Variants in TXNDC16 observed in about 807,000 individuals in gnomAD.
TXNDC16 encodes the protein thioredoxin domain-containing protein 16.
In TXNDC16, 74 loss-of-function variants were observed where a neutral mutation model predicts 85.6. The observed-to-expected ratio is 0.86, with a 90% CI of 0.72 to 1.05. TXNDC16 has a LOEUF of 1.05. Ranked by LOEUF, TXNDC16 falls within the 50% of genes least tolerant of loss-of-function variation. The probability of loss-of-function intolerance (pLI) is 0.00; values close to 1 mark genes in which losing one functional copy is unlikely to be tolerated. For missense variants in TXNDC16, 959 were observed against 947.0 expected (o/e 1.01, Z -0.17); for synonymous variants, 335 against 326.5 (o/e 1.03, Z -0.28).
At chr14:52,541,063 C>G (rs1049273917) in intron 4 of TXNDC16, among the ~76,000 whole-genome samples, 3 of 152,066 alleles carry the variant, frequency 2.0e-5, no homozygotes, top group Non-Finnish European at 2.9e-5. Context: ...CGGTGAAACC[C>G]CATCTCTACT....
At chr14:52,529,340 G>A (rs2037419667) in intron 6 of TXNDC16, among the ~76,000 whole-genome samples, 1 of 150,050 alleles carries the variant, frequency 6.7e-6, no homozygotes, top group African/African-American at 2.4e-5. Flanking sequence ...GAGGAGGGGG[G>A]AGGGATAGCA....
At chr14:52,533,857 C>T (rs759950011) in intron 6 of TXNDC16, among the ~76,000 whole-genome samples, 1 of 152,102 alleles carries the variant, frequency 6.6e-6, no homozygotes, top group South Asian at 2.1e-4. Context: ...ATAAGAAAAG[C>T]ACCTTAGCCA....
intron 12 of TXNDC16, among the ~76,000 whole-genome samples, chr14:52,485,716 T>C (rs1312358635): frequency 1.3e-5 from 2 of 152,136 alleles, no homozygotes; most frequent in Non-Finnish European, 2.9e-5. Flanking sequence ...GCTGTATAGG[T>C]TTGTGGCCTA....
intron 14 of TXNDC16, among the ~76,000 whole-genome samples, chr14:52,473,072 G>A (rs542240125): frequency 6.6e-6 from 1 of 152,236 alleles, no homozygotes; most frequent in South Asian, 2.1e-4. Context: ...CCTGACTGAA[G>A]CAATCTATGA....
intron 6 of TXNDC16, among the ~76,000 whole-genome samples, chr14:52,521,278 ATTTTTT>A (rs34014029): frequency 1.5e-5 from 2 of 134,440 alleles, no homozygotes; most frequent in African/African-American, 5.5e-5. Flanking sequence ...ACGCCTGGCT[ATTTTTT>A]TTTTTTTTTT....
chr14:52,463,381 A>AT (rs2035698322), intron 16 of TXNDC16, among the ~76,000 whole-genome samples: 1 of 152,158 alleles, frequency 6.6e-6, no homozygotes. Context: ...AAGTTCTACT[A>AT]TAGGTCCTAT....
At chr14:52,530,360 ATATAT>A (rs2037496824) in intron 6 of TXNDC16, among the ~76,000 whole-genome samples, 1 of 36,694 alleles carries the variant, frequency 2.7e-5, no homozygotes, top group Admixed American at 5.4e-4. Context: ...ATAATATAAT[ATATAT>A]TATTATATAA....
At chr14:52,439,176 C>T (rs760621129) in intron 20 of TXNDC16, 28 bp downstream of exon 20, 7 of 1,596,244 alleles carry the variant, frequency 4.4e-6, no homozygotes, top group Non-Finnish European at 6.0e-6. Flanking sequence ...TGCAGAACTA[C>T]ATGTATTAAA....
At position 52,552,352 on chromosome 14, in the gene TXNDC16, C is replaced by A. The variant is rs1216253624; in HGVS notation, c.-218G>T. 3 of 152,340 alleles carry A rather than the reference C, an allele frequency of 2.0e-5. No individual in the cohort carries two copies. Among genetic ancestry groups the A allele is most frequent in the African/African-American group, 7.2e-5 (3 of 41,454 alleles). The allele number at this position is 152,340 out of a possible 1,614,324, so 9.4% of individuals were successfully genotyped here. On this transcript the variant is annotated 5_prime_UTR_variant, in exon 1 of 21. Coordinates refer to ENST00000281741, the MANE Select transcript of TXNDC16 (RefSeq NM_020784.3). Reference sequence around the variant, plus strand: ...CTGCGGGCGGGGACCTGGGCCGTTCCCGAGGCCGCGCGGCCAACAGTTCCC... The same window carrying A: ...CTGCGGGCGGGGACCTGGGCCGTTCACGAGGCCGCGCGGCCAACAGTTCCC...
chr14:52,433,172 AAAT>A (rs1376634563), intron 20 of TXNDC16, among the ~76,000 whole-genome samples: 1 of 152,168 alleles, frequency 6.6e-6, no homozygotes, highest in Non-Finnish European at 1.5e-5. Context: ...TATAGACAAT[AAAT>A]AATTAAAAAT....
intron 11 of TXNDC16, 29 bp from the exon 12 acceptor site, chr14:52,488,515 A>G: frequency 6.5e-7 from 1 of 1,542,084 alleles, no homozygotes; most frequent in Non-Finnish European, 8.9e-7. Context: ...TTAAAAAATG[A>G]ATATAGCAAA....
chr14:52,526,417 A>T (rs1349251127), intron 6 of TXNDC16, among the ~76,000 whole-genome samples: 2 of 152,140 alleles, frequency 1.3e-5, no homozygotes, highest in African/African-American at 4.8e-5. Context: ...TGCCACATAC[A>T]TGTATACTAC....
intron 14 of TXNDC16, among the ~76,000 whole-genome samples, chr14:52,474,576 A>G (rs2035978420): frequency 6.6e-6 from 1 of 152,158 alleles, no homozygotes; most frequent in Non-Finnish European, 1.5e-5. Context: ...CTAAAAATAC[A>G]AAAACTAGCC....
chr14:52,510,081 A>G (rs1313728738), intron 9 of TXNDC16, among the ~76,000 whole-genome samples: 4 of 152,224 alleles, frequency 2.6e-5, no homozygotes, highest in Non-Finnish European at 4.4e-5. Context: ...CTTTTTAAGA[A>G]GAGGGAATTA....
intron 6 of TXNDC16, among the ~76,000 whole-genome samples, chr14:52,525,699 AAATAAT>A (rs199701557): frequency 0.045 from 5,412 of 121,228 alleles, 166 homozygotes; most frequent in African/African-American, 0.095. Context: ...CTCCATCTCA[AAATAAT>A]AATAATAATA....
At position 52,490,990 on chromosome 14, in the gene TXNDC16, C is replaced by T. The variant is rs558546187; in HGVS notation, c.772G>A (p.Asp258Asn). ...TGGACAGTTGAAACTTGTTGAGGAT[C>T]TTCAGCAACTTCAGTCTTCATTGAA... ...KAPLLTEVAEDPQQVSTVHLQ... is the reference protein window; with the variant it reads ...KAPLLTEVAENPQQVSTVHLQ... The change falls in exon 10 of 21, where the codon GAT (aspartate) becomes AAT (asparagine). Residue 258 changes from aspartate to asparagine, a missense_variant. Coordinates refer to ENST00000281741, the MANE Select transcript of TXNDC16 (RefSeq NM_020784.3). 16 of 1,367,984 alleles carry T rather than the reference C, an allele frequency of 1.2e-5. No individual in the cohort carries two copies. The South Asian group carries it at 1.3e-4, about 11-fold the overall frequency. The allele number at this position is 1,367,984 out of a possible 1,614,324, so 84.7% of individuals were successfully genotyped here. A position where few individuals can be genotyped will look rare whatever the true frequency, so the allele number is the denominator to read the frequency against.
At chr14:52,446,930 G>T (rs990542646) in intron 18 of TXNDC16, among the ~76,000 whole-genome samples, 5 of 151,918 alleles carry the variant, frequency 3.3e-5, no homozygotes, top group African/African-American at 1.2e-4. Flanking sequence ...TAGGACTTGA[G>T]TGAGACTCCG....
In TXNDC16 at chr14:52,519,208, T is replaced by C. The variant is rs751824500; in HGVS notation, c.478A>G (p.Ile160Val). 6.2e-7 allele frequency: 1 copy of C among 1,611,650 alleles called. No homozygotes were observed. The highest frequency in any genetic ancestry group is 8.5e-7 in the Non-Finnish European group (1 of 1,179,022). The change falls in exon 7 of 21, where the codon ATT becomes GTT. Residue 160 changes from isoleucine to valine, a missense_variant. Coordinates refer to ENST00000281741, the MANE Select transcript of TXNDC16 (RefSeq NM_020784.3). ...ATGGCTCTTACATATGAGAATATAA[T>C]ATTTGCTTTTCCTTTCAGAGCATTT... ...IENALKGKAN[I>V]IFSYVRAIGI...
At chr14:52,511,496 T>C in intron 8 of TXNDC16, 106 bp from the exon 9 acceptor site, 1 of 669,674 alleles carries the variant, frequency 1.5e-6, no homozygotes, top group Non-Finnish European at 2.3e-6. Context: ...GCTTTTGAAT[T>C]ATTATTTTGG....
Sources: gnomAD v4.1 joint callset for allele counts (sites outside exome capture counted in the v4.1 genomes callset) on GRCh38, gnomAD v4.1.1 for gene constraint, MANE v1.5 for transcripts, NCBI Gene and HGNC (gene_info 2026-07-23, HGNC 2026-07-21) for gene names.